Variants in OPCML observed in about 807,000 individuals in gnomAD.
OPCML encodes the protein opioid binding protein/cell adhesion molecule like.
OPCML carries 13 observed loss-of-function variants against 37.8 expected under a neutral mutation model. The observed-to-expected ratio is 0.34, with a 90% CI of 0.22 to 0.55. OPCML has a LOEUF of 0.55. Among genes scored for constraint, OPCML ranks in the 20% least tolerant of loss-of-function variants. OPCML has a pLI of 0.91. For missense variants in OPCML, 341 were observed against 435.6 expected, an observed-to-expected ratio of 0.78 and a Z score of 1.93; for synonymous variants, 176 against 168.8, an observed-to-expected ratio of 1.04 and a Z score of -0.33.
chr11:132,623,628 T>C (rs745504140), intron 3 of OPCML, among the ~76,000 whole-genome samples: 3 of 152,154 alleles, frequency 2.0e-5, no homozygotes, highest in African/African-American at 7.2e-5. Flanking sequence ...CTGGGTATCA[T>C]ATATCATCCG....
In OPCML at chr11:133,211,245, G is replaced by A. The variant is rs1227754899; in HGVS notation, c.62-268235C>T. 6.6e-6 allele frequency among the ~76,000 whole-genome samples: 1 copy of A among 152,154 alleles called. No individual in the cohort carries two copies. The highest frequency in any genetic ancestry group is 1.5e-5 in the Non-Finnish European group (1 of 68,034). On this transcript the variant is annotated intron_variant, in intron 1 of 7. Coordinates refer to ENST00000524381, the MANE Select transcript of OPCML (RefSeq NM_001012393.5). This position sits in a 1 kb window ranked among gnomAD's most constrained non-coding sequence, Gnocchi z 4.1. ...GATGGTTTCCTGGGTCCCAGTGAGT[G>A]AGGTGGTGGACATTTGTTATTTTTA...
At chr11:132,473,229 G>A (rs1197035441) in intron 4 of OPCML, among the ~76,000 whole-genome samples, 1 of 152,164 alleles carries the variant, frequency 6.6e-6, no homozygotes, top group Non-Finnish European at 1.5e-5. Flanking sequence ...GAAAACTTGT[G>A]AAAATAAATT....
chr11:132,498,315 T>A (rs529527335), intron 4 of OPCML, among the ~76,000 whole-genome samples: 2 of 152,308 alleles, frequency 1.3e-5, no homozygotes, highest in East Asian at 3.9e-4. Context: ...AGGCCATTGG[T>A]CATCTGTTTT....
At chr11:133,018,471 A>G (rs1947380439) in intron 1 of OPCML, among the ~76,000 whole-genome samples, 1 of 152,232 alleles carries the variant, frequency 6.6e-6, no homozygotes, top group Non-Finnish European at 1.5e-5. Flanking sequence ...ACACCCCCAG[A>G]AACACTACTA....
At chr11:132,565,178 C>G (rs1364223464) in intron 3 of OPCML, among the ~76,000 whole-genome samples, 1 of 152,168 alleles carries the variant, frequency 6.6e-6, no homozygotes. Flanking sequence ...CTCTGGGAAC[C>G]TCTCTAGGTT....
At chr11:132,683,060 GTGGT>G (rs1943020385) in intron 2 of OPCML, among the ~76,000 whole-genome samples, 1 of 152,158 alleles carries the variant, frequency 6.6e-6, no homozygotes, top group South Asian at 2.1e-4. Flanking sequence ...TTATATCTAA[GTGGT>G]TGAAGGAATT....
rs151127173 is a variant in OPCML at position 133,230,843 on chromosome 11, G to T, written c.62-287833C>A. Among the ~76,000 whole-genome samples the T allele has an allele frequency of 6.0e-4, 92 of 152,260 alleles. 1 individual carries two copies. In the East Asian group the frequency reaches 0.017, roughly 27 times the overall value. The stretch of plus-strand genomic sequence containing the variant: ...TCTGCTCCAGGGCTCTGCAGATCTG[G>T]CACTAGTATCCCCACTGTTTCTGAA... On this transcript the variant is annotated intron_variant, in intron 1 of 7. Coordinates refer to ENST00000524381, the MANE Select transcript of OPCML (RefSeq NM_001012393.5).
intron 1 of OPCML, among the ~76,000 whole-genome samples, chr11:132,993,546 C>T (rs559143649): frequency 6.6e-6 from 1 of 152,278 alleles, no homozygotes; most frequent in Admixed American, 6.5e-5. Context: ...AGGAAGGACT[C>T]ATTTCATTTT....
intron 7 of OPCML, among the ~76,000 whole-genome samples, chr11:132,422,786 C>T (rs1468030753): frequency 6.6e-6 from 1 of 152,156 alleles, no homozygotes. Flanking sequence ...AGAATCTATG[C>T]CCTTAATTGT....
intron 4 of OPCML, chr11:132,525,715 ATATTT>A (rs1428979700): frequency 6.6e-6 from 1 of 152,052 alleles, no homozygotes; most frequent in Non-Finnish European, 1.5e-5. Context: ...TTTTATTATT[ATATTT>A]TAAGTTCTGG....
intron 2 of OPCML, among the ~76,000 whole-genome samples, chr11:132,709,290 A>C (rs1355106799): frequency 1.3e-5 from 2 of 152,182 alleles, no homozygotes; most frequent in African/African-American, 4.8e-5. Context: ...ATTTTGAAAT[A>C]TTTTAGATTT....
chr11:133,347,480 CA>C (rs1464242792), intron 1 of OPCML, among the ~76,000 whole-genome samples: 11 of 152,262 alleles, frequency 7.2e-5, no homozygotes, highest in Non-Finnish European at 1.5e-4. Flanking sequence ...ACAAAAGCAG[CA>C]AAACCATTAG....
intron 2 of OPCML, among the ~76,000 whole-genome samples, chr11:132,734,593 GC>G (rs1945189981): frequency 6.6e-6 from 1 of 152,216 alleles, no homozygotes; most frequent in Non-Finnish European, 1.5e-5. Flanking sequence ...AGAAACTCAA[GC>G]CTGAAACACT....
At chr11:132,694,845 G>A (rs935854093) in intron 2 of OPCML, among the ~76,000 whole-genome samples, 2 of 152,132 alleles carry the variant, frequency 1.3e-5, no homozygotes, top group South Asian at 2.1e-4. Context: ...TTTTGTTCTG[G>A]TCTGTGGTGA....
At chr11:132,855,696 T>A (rs995362023) in intron 2 of OPCML, among the ~76,000 whole-genome samples, 6 of 152,226 alleles carry the variant, frequency 3.9e-5, no homozygotes, top group African/African-American at 1.4e-4. Flanking sequence ...CACATCCTAG[T>A]TGCAACCTCA....
At chr11:133,032,671 C>A (rs189547814) in intron 1 of OPCML, among the ~76,000 whole-genome samples, 83 of 152,272 alleles carry the variant, frequency 5.5e-4, no homozygotes, top group Admixed American at 1.5e-3. Context: ...GGTTTTAAAC[C>A]AAGATCCCAA....
intron 3 of OPCML, among the ~76,000 whole-genome samples, chr11:132,561,512 T>C (rs2096410722): frequency 6.6e-6 from 1 of 152,172 alleles, no homozygotes; most frequent in African/African-American, 2.4e-5. Context: ...GACGGTGTGG[T>C]CTTTTCAGGG....
At chr11:132,706,812 G>A (rs554286974) in intron 2 of OPCML, among the ~76,000 whole-genome samples, 1 of 152,266 alleles carries the variant, frequency 6.6e-6, no homozygotes, top group African/African-American at 2.4e-5. Flanking sequence ...CTAATTAGGG[G>A]TTTATTTGTT....
intron 1 of OPCML, among the ~76,000 whole-genome samples, chr11:133,256,404 T>C (rs1941312917): frequency 6.6e-6 from 1 of 152,268 alleles, no homozygotes; most frequent in Non-Finnish European, 1.5e-5. Context: ...CTTATATTAA[T>C]GTGTTTGTAA....
Sources: gnomAD v4.1 joint callset for allele counts (sites outside exome capture counted in the v4.1 genomes callset) on GRCh38, gnomAD v4.1.1 for gene constraint, Gnocchi (gnomAD v3.1) non-coding constraint, MANE v1.5 for transcripts, NCBI Gene and HGNC (gene_info 2026-07-23, HGNC 2026-07-21) for gene names.